The following COL4A6 variants were observed in gnomAD, a reference collection of about 807,000 sequenced individuals.
COL4A6 encodes collagen alpha-6(IV) chain.
COL4A6 carries 59 observed loss-of-function variants against 126.7 expected under a neutral mutation model. The ratio of observed to expected loss-of-function variants is 0.47; its 90% CI spans 0.38 to 0.58. The LOEUF (loss-of-function observed/expected upper bound fraction) is 0.58, where lower values mean the gene tolerates loss of function less well. Ranked by LOEUF, COL4A6 falls within the 20% of genes least tolerant of loss-of-function variation. The probability of loss-of-function intolerance (pLI) is 0.00; values close to 1 mark genes in which losing one functional copy is unlikely to be tolerated. For missense variants in COL4A6, 1,285 were observed against 1,337.3 expected (o/e 0.96, Z 0.61); for synonymous variants, 547 against 496.6 (o/e 1.10, Z -1.35).
intron 2 of COL4A6, among the ~76,000 whole-genome samples, chrX:108,404,704 T>A (rs932668199): frequency 8.9e-6 from 1 of 111,875 alleles, no homozygotes; most frequent in African/African-American, 3.2e-5. Context: ...CAATACCTCA[T>A]CTGGCATGCA....
chrX:108,310,105 T>C (rs2038726565), intron 3 of COL4A6, among the ~76,000 whole-genome samples: 2 of 111,561 alleles, frequency 1.8e-5, no homozygotes, highest in African/African-American at 3.3e-5. Flanking sequence ...CTAGGGGCTA[T>C]GCATATTCAG....
chrX:108,393,681 A>G (rs1328467804), intron 2 of COL4A6, among the ~76,000 whole-genome samples: 1 of 112,683 alleles, frequency 8.9e-6, no homozygotes, highest in Non-Finnish European at 1.9e-5. Context: ...AAATAACTAT[A>G]AAGTCATAGC....
At chrX:108,424,315 C>T (rs2064034032) in intron 2 of COL4A6, among the ~76,000 whole-genome samples, 1 of 111,609 alleles carries the variant, frequency 9.0e-6, no homozygotes, top group South Asian at 3.8e-4. Flanking sequence ...CAGCCCGTCC[C>T]TCCAATATTT....
rs780028252 is a variant in COL4A6, at chrX:108,188,671, G to A, written c.1433C>T (p.Ser478Leu). The A allele has an allele frequency of 8.7e-7, 1 of 1,148,941 alleles. No homozygotes were observed. The highest frequency in any genetic ancestry group is 2.1e-5 in the South Asian group (1 of 47,504). 94.7% of individuals were successfully genotyped at this position (1,148,941 alleles called of 1,213,427 possible). ...ACCACCGTCACAAGCACAGAAACCT[G>A]AGTCTCCTGGGAGAAAAAGACAACA... ...NLGLKGIKGD[S>L]GFCACDGGVP... is the part of the protein sequence containing the mutation. The change falls in exon 21 of 45, where the codon TCA becomes TTA. Residue 478 changes from serine to leucine, a missense_variant. By Grantham distance (145) the Ser-to-Leu change is moderately radical. Coordinates refer to ENST00000334504, the MANE Select transcript of COL4A6 (RefSeq NM_033641.4).
At chrX:108,393,031 T>C (rs761024662) in intron 2 of COL4A6, among the ~76,000 whole-genome samples, 4 of 112,085 alleles carry the variant, frequency 3.6e-5, no homozygotes, top group Non-Finnish European at 5.6e-5. Flanking sequence ...AGTATATTGC[T>C]GATGGGAATG....
At chrX:108,352,674 C>T (rs1463693716) in intron 2 of COL4A6, among the ~76,000 whole-genome samples, 2 of 112,198 alleles carry the variant, frequency 1.8e-5, no homozygotes, top group Non-Finnish European at 3.8e-5. Flanking sequence ...TTTTAAATAT[C>T]CCAACAAACA....
intron 2 of COL4A6, among the ~76,000 whole-genome samples, chrX:108,408,368 CGAAA>C (rs974791458): frequency 1.0e-4 from 10 of 99,291 alleles, no homozygotes; most frequent in African/African-American, 1.7e-4. Context: ...AAAGAAAGAA[CGAAA>C]GAAAGAAAGA....
At chrX:108,437,018 T>C (rs2064280594) in intron 2 of COL4A6, among the ~76,000 whole-genome samples, 1 of 111,726 alleles carries the variant, frequency 9.0e-6, no homozygotes. Flanking sequence ...AGGGAATGGC[T>C]TTGGGTATCA....
chrX:108,403,107 G>C (rs756511358), intron 2 of COL4A6, among the ~76,000 whole-genome samples: 23 of 110,172 alleles, frequency 2.1e-4, no homozygotes, highest in Non-Finnish European at 3.8e-4. Context: ...ATTCCATTTC[G>C]ATCGGTAAGT....
At position 108,208,734 on chromosome X, in the gene COL4A6, A is replaced by G. The variant is rs913684322; in HGVS notation, c.546+1235T>C. ...CCAATTGTGGAGCAGGAATAACTTG[A>G]CATGGGCCTGGATAAGGGGCGGAGA... On this transcript the variant is annotated intron_variant, in intron 8 of 44. Transcript: ENST00000334504. Among the ~76,000 whole-genome samples the G allele has an allele frequency of 3.6e-5, 4 of 111,697 alleles. No individual in the cohort carries two copies. In the Admixed American group the frequency reaches 3.8e-4, roughly 11 times the overall value.
chrX:108,187,599 G>A (rs1160482829), intron 22 of COL4A6, among the ~76,000 whole-genome samples: 2 of 112,080 alleles, frequency 1.8e-5, no homozygotes, highest in African/African-American at 6.5e-5. Flanking sequence ...CTGAGAAGCT[G>A]AAGTATTTTT....
rs760748228 is a variant in COL4A6 at position 108,175,700 on chromosome X, A to C, written c.2784T>G (p.Thr928=). The change falls in exon 29 of 45, where the codon ACT becomes ACG. Residue 928 remains threonine (T), a synonymous_variant. Coordinates refer to ENST00000334504, the MANE Select transcript of COL4A6 (RefSeq NM_033641.4). ...TRGLKGIPGS[T]GKMGPSGRAG... is the part of the protein sequence containing the mutation. ...CACGTCCAGATGGTCCCATTTTTCC[A>C]GTTGATCCTGGAATTCCTTTTAATC... The C allele has an allele frequency of 8.3e-7, 1 of 1,205,563 alleles. No individual in the cohort carries two copies. The highest frequency in any genetic ancestry group is 1.1e-6 in the Non-Finnish European group (1 of 890,700).
intron 3 of COL4A6, among the ~76,000 whole-genome samples, chrX:108,309,804 A>C (rs1714164262): frequency 5.5e-5 from 2 of 36,611 alleles, no homozygotes; most frequent in South Asian, 3.9e-3. Flanking sequence ...TCCTGGAAAC[A>C]CACACACACA....
chrX:108,214,260 G>C (rs1013990526), intron 5 of COL4A6, 32 bp from the exon 6 acceptor site: 1 of 1,034,365 alleles, frequency 9.7e-7, no homozygotes, highest in Non-Finnish European at 1.3e-6. Flanking sequence ...GATCAAGTTA[G>C]CCAAAGGACT....
intron 2 of COL4A6, among the ~76,000 whole-genome samples, chrX:108,311,029 T>C (rs1025213885): frequency 8.9e-6 from 1 of 112,144 alleles, no homozygotes; most frequent in African/African-American, 3.2e-5. Context: ...ATCAAATAAA[T>C]AGCCGGTTTG....
At chrX:108,398,388 T>C (rs1486328347) in intron 2 of COL4A6, among the ~76,000 whole-genome samples, 1 of 111,934 alleles carries the variant, frequency 8.9e-6, no homozygotes, top group African/African-American at 3.2e-5. Context: ...TTTGGACATC[T>C]TCTCAGAACA....
intron 3 of COL4A6, among the ~76,000 whole-genome samples, chrX:108,305,706 TG>T (rs2038609251): frequency 8.9e-6 from 1 of 111,775 alleles, no homozygotes; most frequent in African/African-American, 3.3e-5. Flanking sequence ...CAGGACTTAA[TG>T]ATGGATTGGA....
Position 108,161,693 on chromosome X carries a change from C to T in COL4A6, c.4259G>A (p.Ser1420Asn), listed in dbSNP as rs1382004985. Reference protein sequence around the residue: ...LPGIPGKDGPSGLPGPPGALG... With the variant: ...LPGIPGKDGPNGLPGPPGALG... ...AGCCCCAGGTGGGCCTGGGAGCCCA[C>T]TGGGGCCATCTTTACCGGGGATGCC... Residue 1420 changes from serine (S) to asparagine (N), a missense_variant, in exon 42 of 45, where the codon AGT becomes AAT. Coordinates refer to ENST00000334504, the MANE Select transcript of COL4A6 (RefSeq NM_033641.4). 8.3e-7 allele frequency: 1 copy of T among 1,206,635 alleles called. No individual in the cohort carries two copies. The highest frequency in any genetic ancestry group is 1.1e-6 in the Non-Finnish European group (1 of 892,644).
chrX:108,240,632 C>G (rs774226098), intron 3 of COL4A6, among the ~76,000 whole-genome samples: 130 of 111,788 alleles, frequency 1.2e-3, no homozygotes, highest in Non-Finnish European at 1.9e-3. Context: ...TTTGGTTCAC[C>G]TTTCTTTCCA....
Sources: gnomAD v4.1 joint callset for allele counts (sites outside exome capture counted in the v4.1 genomes callset) on GRCh38, gnomAD v4.1.1 for gene constraint, MANE v1.5 for transcripts, NCBI Gene and HGNC (gene_info 2026-07-23, HGNC 2026-07-21) for gene names.